PTPRU: variants seen among roughly 807,000 people sequenced by gnomAD.
PTPRU encodes protein tyrosine phosphatase receptor type U.
PTPRU carries 69 observed loss-of-function variants against 166.3 expected under a neutral mutation model. That is an observed-to-expected ratio of 0.41 (90% CI 0.34 to 0.51). PTPRU has a LOEUF of 0.51. Ranked by LOEUF, PTPRU falls within the 20% of genes least tolerant of loss-of-function variation. PTPRU has a pLI of 0.09. For missense variants in PTPRU, 1,657 were observed against 2,013.7 expected (o/e 0.82, Z 3.39); for synonymous variants, 793 against 814.0 (o/e 0.97, Z 0.44).
chr1:29,272,971 G>T (rs1330838215), intron 7 of PTPRU, among the ~76,000 whole-genome samples: 1 of 150,646 alleles, frequency 6.6e-6, no homozygotes, highest in African/African-American at 2.4e-5. Context: ...CTTCTTAAGA[G>T]ATTGTATAGC....
At chr1:29,273,431 G>A (rs1685660503) in intron 7 of PTPRU, among the ~76,000 whole-genome samples, 1 of 152,232 alleles carries the variant, frequency 6.6e-6, no homozygotes, top group Middle Eastern at 3.4e-3. Flanking sequence ...ACCATGCCCG[G>A]CTTATTTTTG....
rs117019090 is a variant in PTPRU, at chr1:29,292,200, T to A, written c.2476+174T>A. Among the ~76,000 whole-genome samples, 356 of 152,318 alleles carry A rather than the reference T, an allele frequency of 2.3e-3. 12 individuals carry two copies. In the East Asian group the frequency reaches 0.058, roughly 25 times the overall value. ...AGCCAGCACAGGTGGCGTTTTTGCA[T>A]TGTGTACTAGAGGAGCTTGCAAGGA... On this transcript the variant is annotated intron_variant, in intron 15 of 29. Coordinates refer to ENST00000373779, the MANE Select transcript of PTPRU (RefSeq NM_133178.4).
rs1685568438 is a variant in PTPRU at position 29,271,818 on chromosome 1, A to G, written c.1145-3630A>G. On this transcript the variant is annotated intron_variant, in intron 7 of 29. Coordinates refer to ENST00000373779, the MANE Select transcript of PTPRU (RefSeq NM_133178.4). This position sits in a 1 kb window ranked among gnomAD's most constrained non-coding sequence, Gnocchi z 4.4. ...TCTCCTGCCCTTCTGTAAATGCTGC[A>G]GGAGGACTAGGAAGCAGAATGCTTC... is the stretch of plus-strand genomic sequence containing the variant. Among the ~76,000 whole-genome samples, 1 of 152,312 alleles carries G rather than the reference A, an allele frequency of 6.6e-6. No individual in the cohort carries two copies. Among genetic ancestry groups the G allele is most frequent in the South Asian group, 2.1e-4 (1 of 4,830 alleles).
At position 29,260,758 on chromosome 1, in the gene PTPRU, G is replaced by A; in HGVS notation, c.999G>A (p.Glu333=). Reference sequence around the variant, plus strand: ...GCATGGCGCGCGGGCCCTGGGCTGAGGTGCACGCCGTCAGCCTGCAGACCT... The same window carrying A: ...GCATGGCGCGCGGGCCCTGGGCTGAAGTGCACGCCGTCAGCCTGCAGACCT... ...EYRMARGPWA[E]VHAVSLQTYK... Residue 333 remains glutamate, a synonymous_variant, in exon 7 of 30, where the codon GAG becomes GAA. Coordinates refer to ENST00000373779, the MANE Select transcript of PTPRU (RefSeq NM_133178.4). The surrounding 1 kb of genome is among the most constrained non-coding windows in gnomAD (Gnocchi z 8.3). 1 of 1,612,906 alleles carries A rather than the reference G, an allele frequency of 6.2e-7. No homozygotes were observed. The highest frequency in any genetic ancestry group is 8.5e-7 in the Non-Finnish European group (1 of 1,179,478).
intron 7 of PTPRU, among the ~76,000 whole-genome samples, chr1:29,272,635 G>A (rs1685610424): frequency 6.6e-6 from 1 of 152,006 alleles, no homozygotes; most frequent in African/African-American, 2.4e-5. Flanking sequence ...GGCTGGGTGC[G>A]GTGGCTCAAG....
In PTPRU at chr1:29,311,846, G is replaced by A. The variant is rs1470849058; in HGVS notation, c.3072+87G>A. ...CCACTTCCCCCAGCCCTGGGAGCAG[G>A]AGGGTGAGGAGCGCACCACTGCCCA... On this transcript the variant is annotated intron_variant, in intron 21 of 29. Coordinates refer to ENST00000373779, the MANE Select transcript of PTPRU (RefSeq NM_133178.4). This position sits in a 1 kb window ranked among gnomAD's most constrained non-coding sequence, Gnocchi z 4.1. 1.5e-6 allele frequency: 2 copies of A among 1,308,332 alleles called. No individual in the cohort carries two copies. Among genetic ancestry groups the A allele is most frequent in the Non-Finnish European group, 2.2e-6 (2 of 923,300 alleles). 81.0% of individuals were successfully genotyped at this position (1,308,332 alleles called of 1,614,324 possible). A position where few individuals can be genotyped will look rare whatever the true frequency, so the allele number is the denominator to read the frequency against.
In PTPRU at chr1:29,315,307, C is replaced by T. The variant is rs1462631897; in HGVS notation, c.3228-65C>T. 1.3e-6 allele frequency: 2 copies of T among 1,599,160 alleles called. No individual in the cohort carries two copies. The highest frequency in any genetic ancestry group is 2.7e-5 in the African/African-American group (2 of 74,600). On this transcript the variant is annotated intron_variant, in intron 22 of 29. Coordinates refer to ENST00000373779, the MANE Select transcript of PTPRU (RefSeq NM_133178.4). The surrounding 1 kb of genome is among the most constrained non-coding windows in gnomAD (Gnocchi z 4.5). The stretch of plus-strand genomic sequence containing the variant: ...GACATGGCCAGTGCCCTCCTCTCTT[C>T]TTCTCCTTAGTCCCGGGCTTCCTCC...
intron 15 of PTPRU, among the ~76,000 whole-genome samples, chr1:29,299,131 CTG>C (rs1028275090): frequency 6.6e-6 from 1 of 152,226 alleles, no homozygotes; most frequent in East Asian, 1.9e-4. Flanking sequence ...GAAGAAGAAA[CTG>C]AGACCCAGAG....
intron 7 of PTPRU, among the ~76,000 whole-genome samples, chr1:29,273,908 A>G (rs948785503): frequency 4.6e-5 from 7 of 152,152 alleles, no homozygotes; most frequent in African/African-American, 1.7e-4. Context: ...CAGCTTCACC[A>G]CTTACCATCT....
chr1:29,292,158 A>G, intron 15 of PTPRU, 132 bp downstream of exon 15: 1 of 1,197,246 alleles, frequency 8.4e-7, no homozygotes, highest in South Asian at 1.6e-5. Flanking sequence ...CTCCTGCTGG[A>G]TACCTTCTGG....
At chr1:29,287,850 G>T (rs1477032471) in intron 14 of PTPRU, among the ~76,000 whole-genome samples, 1 of 151,828 alleles carries the variant, frequency 6.6e-6, no homozygotes, top group South Asian at 2.1e-4. Flanking sequence ...TTTTGCTCTT[G>T]TTGTCCAGGC....
Position 29,272,777 on chromosome 1 carries a change from C to T in PTPRU, c.1145-2671C>T, listed in dbSNP as rs143885731. ...CAAAAATTAGCTGGGCTTGGTGGTA[C>T]GCACCTGTAGTGCCAGCTACTTGGG... On this transcript the variant is annotated intron_variant, in intron 7 of 29. Transcript: ENST00000373779. Among the ~76,000 whole-genome samples the T allele has an allele frequency of 3.1e-3, 468 of 151,754 alleles. 3 individuals carry two copies. The highest frequency in any genetic ancestry group is 9.7e-3 in the African/African-American group (401 of 41,344).
chr1:29,290,277 C>A (rs1686565904), intron 14 of PTPRU, among the ~76,000 whole-genome samples: 1 of 152,208 alleles, frequency 6.6e-6, no homozygotes, highest in African/African-American at 2.4e-5. Flanking sequence ...GGGCCAAGCC[C>A]TGTGCTCAGT....
At chr1:29,275,781 G>A (rs764197672) in intron 8 of PTPRU, 25 bp downstream of exon 8, 28 of 1,606,524 alleles carry the variant, frequency 1.7e-5, no homozygotes, top group East Asian at 1.1e-4. Context: ...CCCAATTCCC[G>A]GGGCCCTGTG....
rs2151935691 is a variant in PTPRU at position 29,237,026 on chromosome 1, G to A, written c.73+309G>A. Reference sequence around the variant, plus strand: ...TCTGCCAGTGTGTAGTGTTTGTGTGGCCAAGTGGGTTGTGTGTGCATCTGA... The same window carrying A: ...TCTGCCAGTGTGTAGTGTTTGTGTGACCAAGTGGGTTGTGTGTGCATCTGA... On this transcript the variant is annotated intron_variant, in intron 1 of 29. Transcript: ENST00000373779. The surrounding 1 kb of genome is among the most constrained non-coding windows in gnomAD (Gnocchi z 6.4). 6.6e-6 allele frequency among the ~76,000 whole-genome samples: 1 copy of A among 152,254 alleles called. No homozygotes were observed. The highest frequency in any genetic ancestry group is 2.4e-5 in the African/African-American group (1 of 41,532).
chr1:29,241,511 G>A (rs1057103181), intron 1 of PTPRU, among the ~76,000 whole-genome samples: 11 of 152,040 alleles, frequency 7.2e-5, no homozygotes, highest in South Asian at 2.1e-4. Context: ...AAACAACAGG[G>A]ACCCAGTCAT....
chr1:29,273,442 C>T (rs1238646624), intron 7 of PTPRU, among the ~76,000 whole-genome samples: 6 of 151,976 alleles, frequency 3.9e-5, no homozygotes, highest in Non-Finnish European at 5.9e-5. Context: ...CTTATTTTTG[C>T]GCTTTTAGTA....
rs147512461 is a variant in PTPRU, at chr1:29,312,353, A to C, written c.3073-199A>C. On this transcript the variant is annotated intron_variant, in intron 21 of 29. Coordinates refer to ENST00000373779, the MANE Select transcript of PTPRU (RefSeq NM_133178.4). ...GTTGTTGGTTTCTCTAACCTTGGGA[A>C]AGTGGTTTCTCCTCTTTGAGCCTTA... Among the ~76,000 whole-genome samples the C allele has an allele frequency of 9.8e-5, 15 of 152,340 alleles. 1 individual carries two copies. In the East Asian group the frequency reaches 1.3e-3, roughly 14 times the overall value.
Position 29,325,409 on chromosome 1 carries a change from A to G in PTPRU, c.4248+83A>G. 1.9e-6 allele frequency: 3 copies of G among 1,548,700 alleles called. No homozygotes were observed. In the South Asian group the frequency reaches 3.4e-5, roughly 17 times the overall value. On this transcript the variant is annotated intron_variant, in intron 29 of 29. Transcript: ENST00000373779. ...GGTTCCTTAGCACCCACTCTCCCATATCTGGGCCCCACCACTGGGCCTTGG... is the reference window on the plus strand; with the variant it reads ...GGTTCCTTAGCACCCACTCTCCCATGTCTGGGCCCCACCACTGGGCCTTGG...
Sources: gnomAD v4.1 joint callset for allele counts (sites outside exome capture counted in the v4.1 genomes callset) on GRCh38, gnomAD v4.1.1 for gene constraint, Gnocchi (gnomAD v3.1) non-coding constraint, MANE v1.5 for transcripts, NCBI Gene and HGNC (gene_info 2026-07-23, HGNC 2026-07-21) for gene names.